Variants in BRCA2 observed in about 807,000 individuals in gnomAD.
The protein encoded by BRCA2 is BRCA2 DNA repair associated, also known as breast cancer type 2 susceptibility protein.
BRCA2 carries 203 observed loss-of-function variants against 276.7 expected under a neutral mutation model. The observed-to-expected ratio is 0.73, with a 90% CI of 0.65 to 0.82. The LOEUF is 0.82. Ranked by LOEUF, BRCA2 falls within the 40% of genes least tolerant of loss-of-function variation. The pLI is 0.00. For synonymous variants in BRCA2, 1,289 were observed against 1,338.4 expected (o/e 0.96, Z 0.81); for missense variants, 3,920 against 3,915.0 (o/e 1.00, Z -0.03).
At chr13:32,387,902 C>A (rs1409639162) in intron 24 of BRCA2, among the ~76,000 whole-genome samples, 1 of 152,160 alleles carries the variant, frequency 6.6e-6, no homozygotes, top group East Asian at 1.9e-4. Flanking sequence ...ATTCACCCTC[C>A]TTACCATGCC....
chr13:32,378,652 G>A (rs930087959), intron 21 of BRCA2, among the ~76,000 whole-genome samples: 1 of 152,102 alleles, frequency 6.6e-6, no homozygotes, highest in African/African-American at 2.4e-5. Flanking sequence ...TATGTTACAT[G>A]TCTAAATTCC....
At chr13:32,371,188 ATTGTTT>A in intron 20 of BRCA2, 88 bp downstream of exon 20, 1 of 1,409,192 alleles carries the variant, frequency 7.1e-7, no homozygotes, top group Non-Finnish European at 9.8e-7. Context: ...TAATGAGTAA[ATTGTTT>A]TTATTTTGAG....
At chr13:32,323,053 T>C (rs1169991309) in intron 3 of BRCA2, among the ~76,000 whole-genome samples, 2 of 152,230 alleles carry the variant, frequency 1.3e-5, no homozygotes, top group African/African-American at 4.8e-5. Context: ...ATGAGAGTTC[T>C]TGTTGCTCAC....
rs1333097286 is a variant in BRCA2, at chr13:32,399,582, G to A, written c.*812G>A. 1 of 177,620 alleles carries A rather than the reference G, an allele frequency of 5.6e-6. No homozygotes were observed. The highest frequency in any genetic ancestry group is 6.4e-5 in the Admixed American group (1 of 15,682). 11.0% of individuals were successfully genotyped at this position (177,620 alleles called of 1,614,324 possible). A position where few individuals can be genotyped will look rare whatever the true frequency, so the allele number is the denominator to read the frequency against. Reference sequence around the variant, plus strand: ...AAAATTCAAATACTTTAAATCAGAAGATTTCATAGTTAATTTATTTTTTTT... The same window carrying A: ...AAAATTCAAATACTTTAAATCAGAAAATTTCATAGTTAATTTATTTTTTTT... On this transcript the variant is annotated 3_prime_UTR_variant, in exon 27 of 27. Transcript: ENST00000380152.
chr13:32,320,186 G>A (rs1465169923), intron 3 of BRCA2, among the ~76,000 whole-genome samples: 3 of 152,176 alleles, frequency 2.0e-5, no homozygotes, highest in South Asian at 4.1e-4. Context: ...CTAAAGGCAG[G>A]CATTGAATGC....
chr13:32,344,631 G>A lies in BRCA2; in HGVS notation c.6915G>A (p.Lys2305=), dbSNP rs1555285156. 6.3e-7 allele frequency: 1 copy of A among 1,579,610 alleles called. No homozygotes were observed. The highest frequency in any genetic ancestry group is 8.7e-7 in the Non-Finnish European group (1 of 1,149,166). ...TAGAAAATCAAGAAAAATCCTTAAA[G>A]GCTTCAAAAAGCACTCCAGATGGTA... is the stretch of plus-strand genomic sequence containing the variant. ...RIIENQEKSL[K]ASKSTPDGTI... is the part of the protein sequence containing the mutation. Residue 2305 remains lysine (K), a synonymous_variant, in exon 12 of 27, where the codon AAG becomes AAA. Transcript: ENST00000380152.
rs755783122 is a variant in BRCA2 at position 32,370,998 on chromosome 13, G to A, written c.8530G>A (p.Glu2844Lys). ...ATCTGGATTATACATATTTCGCAAT[G>A]AAAGAGAGGAAGAAAAGGAAGCAGC... ...TSSGLYIFRN[E>K]REEEKEAAKY... The change falls in exon 20 of 27, where the codon GAA (glutamate) becomes AAA (lysine). Residue 2844 changes from glutamate to lysine, a missense_variant. Physicochemically the swap from Glu to Lys is moderately conservative, Grantham distance 56 (BLOSUM62 1). This residue lies in a region of BRCA2 where 657 missense variants were observed against 758.2 expected (regional missense o/e 0.87). Coordinates refer to ENST00000380152, the MANE Select transcript of BRCA2 (RefSeq NM_000059.4). 49 of 1,613,992 alleles carry A rather than the reference G, an allele frequency of 3.0e-5. 2 individuals are homozygous for A. The South Asian group carries it at 5.3e-4, about 17-fold the overall frequency.
In BRCA2 at chr13:32,340,499, TGTG is replaced by T. The variant is rs779563857; in HGVS notation, c.6147_6149del (p.Val2050del). 2 of 1,613,570 alleles carry T rather than the reference TGTG, an allele frequency of 1.2e-6. No homozygotes were observed. Among genetic ancestry groups the T allele is most frequent in the African/African-American group, 2.7e-5 (2 of 74,916 alleles). ...TATCCCAAAAAGGCTTTTCATATAA[TGTG>T]GTAAATTCATCTGCTTTCTCTGGAT... On this transcript the variant is annotated inframe_deletion, in exon 11 of 27. Coordinates refer to ENST00000380152, the MANE Select transcript of BRCA2 (RefSeq NM_000059.4).
At chr13:32,365,506 G>A (rs973892889) in intron 18 of BRCA2, among the ~76,000 whole-genome samples, 2 of 151,694 alleles carry the variant, frequency 1.3e-5, no homozygotes, top group East Asian at 1.9e-4. Context: ...TCAGCCTCCC[G>A]AGTAGCTGGG....
At chr13:32,360,222 G>A (rs2043072912) in intron 16 of BRCA2, among the ~76,000 whole-genome samples, 1 of 152,206 alleles carries the variant, frequency 6.6e-6, no homozygotes, top group African/African-American at 2.4e-5. Context: ...GGAAGTTAGT[G>A]CAACTGGAGT....
chr13:32,351,280 G>T (rs1235617643), intron 13 of BRCA2, among the ~76,000 whole-genome samples: 1 of 150,026 alleles, frequency 6.7e-6, no homozygotes, highest in East Asian at 2.0e-4. Flanking sequence ...AACCCACCAG[G>T]AAGAAGAAAC....
At chr13:32,397,270 A>G (rs1341408437) in intron 26 of BRCA2, among the ~76,000 whole-genome samples, 1 of 152,172 alleles carries the variant, frequency 6.6e-6, no homozygotes, top group Non-Finnish European at 1.5e-5. Flanking sequence ...TTTACATGTG[A>G]TTGAAAAGTG....
Position 32,370,571 on chromosome 13 carries a change from T to A in BRCA2, c.8487+14T>A, listed in dbSNP as rs767591414. ...TACCCTATACAGGTATGATGTATTC[T>A]TGAAACTTACCATATATTTCTTTCT... On this transcript the variant is annotated intron_variant, in intron 19 of 26. Transcript: ENST00000380152. 6.2e-7 allele frequency: 1 copy of A among 1,603,770 alleles called. No individual in the cohort carries two copies. Among genetic ancestry groups the A allele is most frequent in the African/African-American group, 1.3e-5 (1 of 74,798 alleles).
chr13:32,319,597 T>G (rs2072292541), intron 3 of BRCA2, among the ~76,000 whole-genome samples: 1 of 152,234 alleles, frequency 6.6e-6, no homozygotes, highest in African/African-American at 2.4e-5. Context: ...GTCTTTCTTA[T>G]GCCAAAAAAA....
At position 32,319,335 on chromosome 13, in the gene BRCA2, GCAATATGGTAGACTGGGGAGAACTACAAA is replaced by G. The variant is rs1199200686; in HGVS notation, c.316+12_316+40del. The G allele has an allele frequency of 6.2e-7, 1 of 1,606,770 alleles. No individual in the cohort carries two copies. The highest frequency in any genetic ancestry group is 1.7e-5 in the Admixed American group (1 of 59,958). ...TTCAAATTAGACTTAGGTAAGTAAT[GCAATATGGTAGACTGGGGAGAACTACAAA>G]CTAGGAATTTAGGCAAACCTGTGTT... On this transcript the variant is annotated intron_variant, in intron 3 of 26. Transcript: ENST00000380152.
chr13:32,337,174 A>G lies in BRCA2; in HGVS notation c.2819A>G (p.Gln940Arg), dbSNP rs1057520249. The change falls in exon 11 of 27, where the codon CAA becomes CGA. Residue 940 changes from glutamine to arginine, a missense_variant. Around this residue, in one of 2 missense-constraint regions of BRCA2, gnomAD observed 3,263 missense variants for 3,156.9 expected, o/e 1.03. Transcript: ENST00000380152. The part of the protein sequence containing the change: ...YGDTGDKQAT[Q>R]VSIKKDLVYV... ...GACACAGGTGATAAACAAGCAACCC[A>G]AGTGTCAATTAAAAAAGATTTGGTT... 1 of 1,613,816 alleles carries G rather than the reference A, an allele frequency of 6.2e-7. No individual in the cohort carries two copies. Among genetic ancestry groups the G allele is most frequent in the African/African-American group, 1.3e-5 (1 of 75,050 alleles).
rs1006696389 is a variant in BRCA2 at position 32,355,110 on chromosome 13, T to C, written c.7257T>C (p.Val2419=). ...PFKTKSHFHR[V]EQCVRNINLE... Reference sequence around the variant, plus strand: ...AAACTAAATCACATTTTCACAGAGTTGAACAGTGTGTTAGGAATATTAACT... The same window carrying C: ...AAACTAAATCACATTTTCACAGAGTCGAACAGTGTGTTAGGAATATTAACT... The change falls in exon 14 of 27, where the codon GTT becomes GTC. Residue 2419 remains valine (V), a synonymous_variant. Coordinates refer to ENST00000380152, the MANE Select transcript of BRCA2 (RefSeq NM_000059.4). 1 of 1,613,714 alleles carries C rather than the reference T, an allele frequency of 6.2e-7. No individual in the cohort carries two copies. Among genetic ancestry groups the C allele is most frequent in the Non-Finnish European group, 8.5e-7 (1 of 1,179,664 alleles).
rs80358631 is a variant in BRCA2, at chr13:32,338,226, C to T, written c.3871C>T (p.Gln1291Ter). The change falls in exon 11 of 27, where the codon CAA becomes TAA. Residue 1291 changes from glutamine (Q) to a stop codon, truncating the protein, a stop_gained. Coordinates refer to ENST00000380152, the MANE Select transcript of BRCA2 (RefSeq NM_000059.4). LOFTEE classifies it high-confidence loss of function. ...TGTAAGTGAAAAAAATAATAAATGCCAACTGATATTACAAAATAATATTGA... is the reference window on the plus strand; with the variant it reads ...TGTAAGTGAAAAAAATAATAAATGCTAACTGATATTACAAAATAATATTGA... Reference protein sequence around the residue: ...KTVSEKNNKCQLILQNNIEMT... With the variant: ...KTVSEKNNKC 2 of 1,536,244 alleles carry T rather than the reference C, an allele frequency of 1.3e-6. No homozygotes were observed. Among genetic ancestry groups the T allele is most frequent in the South Asian group, 1.2e-5 (1 of 80,390 alleles).
chr13:32,349,716 G>A (rs767765788), intron 13 of BRCA2, among the ~76,000 whole-genome samples: 4 of 151,230 alleles, frequency 2.6e-5, no homozygotes, highest in Non-Finnish European at 4.4e-5. Flanking sequence ...TCAGGAGGCT[G>A]AGGTGGGAGA....
Sources: allele counts gnomAD v4.1 joint callset (sites outside exome capture counted in the v4.1 genomes callset), GRCh38; gene constraint gnomAD v4.1.1; regional missense constraint gnomAD v4.1.1; transcripts MANE v1.5; gene names NCBI Gene and HGNC (gene_info 2026-07-23, HGNC 2026-07-21).